The following CDH13 variants were observed in gnomAD, a reference collection of about 807,000 sequenced individuals.
CDH13 encodes cadherin 13.
Under a neutral mutation model 63.8 loss-of-function variants are expected in CDH13, and 24 were observed. The observed-to-expected ratio is 0.38, with a 90% CI of 0.27 to 0.53. The LOEUF (loss-of-function observed/expected upper bound fraction) is 0.53. Ranked by LOEUF, CDH13 falls within the 20% of genes least tolerant of loss-of-function variation. CDH13 has a pLI of 0.85. For missense variants in CDH13, 1,049 were observed against 903.1 expected, an observed-to-expected ratio of 1.16 and a Z score of -2.07; for synonymous variants, 503 against 355.3, an observed-to-expected ratio of 1.42 and a Z score of -4.67.
At chr16:82,671,167 A>C (rs1219944408) in intron 1 of CDH13, among the ~76,000 whole-genome samples, 1 of 152,240 alleles carries the variant, frequency 6.6e-6, no homozygotes, top group African/African-American at 2.4e-5. Context: ...ACATTCTTTA[A>C]GTACTAAAAT....
intron 2 of CDH13, among the ~76,000 whole-genome samples, chr16:82,882,710 A>T (rs1227397247): frequency 6.6e-6 from 1 of 151,710 alleles, no homozygotes; most frequent in African/African-American, 2.4e-5. Context: ...GAAAAAACAA[A>T]CCTAACAGTA....
chr16:83,608,733 A>G (rs1908587033), intron 8 of CDH13, among the ~76,000 whole-genome samples: 1 of 142,784 alleles, frequency 7.0e-6, no homozygotes, highest in African/African-American at 2.6e-5. Flanking sequence ...GTCTTGAACT[A>G]TTGGGCCCAA....
intron 1 of CDH13, among the ~76,000 whole-genome samples, chr16:82,655,273 G>C (rs79606833): frequency 0.015 from 2,259 of 152,320 alleles, 57 homozygotes; most frequent in African/African-American, 0.051. Flanking sequence ...TGCAATCAAT[G>C]AGCCGGTCAA....
intron 7 of CDH13, among the ~76,000 whole-genome samples, chr16:83,542,798 C>T (rs1440958247): frequency 6.6e-6 from 1 of 152,198 alleles, no homozygotes; most frequent in Non-Finnish European, 1.5e-5. Flanking sequence ...GTCTCTGTGT[C>T]CTAATTTCTC....
At chr16:82,674,741 G>A (rs113644092) in intron 1 of CDH13, among the ~76,000 whole-genome samples, 8 of 152,216 alleles carry the variant, frequency 5.3e-5, no homozygotes, top group Middle Eastern at 6.8e-3. Context: ...TGAGGTGGGG[G>A]CACACTGGAA....
In CDH13 at chr16:83,180,892, G is replaced by T. The variant is rs184990930; in HGVS notation, c.484-36453G>T. On this transcript the variant is annotated intron_variant, in intron 4 of 13. Transcript: ENST00000567109. ...CAGAGAACCCACAATCCTATTAACA[G>T]CGAACTTCTCTTGAATGAAGGCATT... The T allele has an allele frequency of 2.5e-5, 39 of 1,531,048 alleles. No individual in the cohort carries two copies. In the East Asian group the frequency reaches 7.1e-4, roughly 28 times the overall value. 94.8% of individuals were successfully genotyped at this position (1,531,048 alleles called of 1,614,324 possible).
intron 5 of CDH13, among the ~76,000 whole-genome samples, chr16:83,324,054 T>TC (rs1310000329): frequency 6.6e-6 from 1 of 151,800 alleles, no homozygotes; most frequent in Non-Finnish European, 1.5e-5. Context: ...TTTTTTTTTT[T>TC]TGAGGTGGAG....
intron 5 of CDH13, among the ~76,000 whole-genome samples, chr16:83,274,398 C>T (rs577419635): frequency 6.6e-6 from 1 of 152,292 alleles, no homozygotes; most frequent in Admixed American, 6.5e-5. Context: ...TTATTTGGCT[C>T]CTACCCTGAG....
intron 2 of CDH13, among the ~76,000 whole-genome samples, chr16:82,994,316 C>T (rs370799584): frequency 1.3e-5 from 2 of 152,180 alleles, no homozygotes; most frequent in Non-Finnish European, 2.9e-5. Flanking sequence ...TAGTACAACC[C>T]TGGCCCTTGC....
At position 83,003,375 on chromosome 16, in the gene CDH13, C is replaced by G. The variant is rs531233380; in HGVS notation, c.158-28635C>G. Among the ~76,000 whole-genome samples, 278 of 151,538 alleles carry G rather than the reference C, an allele frequency of 1.8e-3. 2 individuals carry two copies. The highest frequency in any genetic ancestry group is 0.017 in the Middle Eastern group (5 of 290). On this transcript the variant is annotated intron_variant, in intron 2 of 13. Transcript: ENST00000567109. ...TTGCATTGATAATTTATCTATTTAACTGGCTTAAGTGGGTTTTTTTTTTTA... is the reference window on the plus strand; with the variant it reads ...TTGCATTGATAATTTATCTATTTAAGTGGCTTAAGTGGGTTTTTTTTTTTA...
At chr16:83,276,407 C>A (rs566953218) in intron 5 of CDH13, among the ~76,000 whole-genome samples, 1 of 152,210 alleles carries the variant, frequency 6.6e-6, no homozygotes, top group South Asian at 2.1e-4. Context: ...GCACCTTGAG[C>A]CAGTGATTGC....
intron 5 of CDH13, among the ~76,000 whole-genome samples, chr16:83,246,471 G>A (rs1905005815): frequency 6.6e-6 from 1 of 152,080 alleles, no homozygotes; most frequent in African/African-American, 2.4e-5. Flanking sequence ...AGATTCACTA[G>A]CTCTTAATCC....
chr16:83,503,169 A>G (rs1310277476), intron 7 of CDH13, among the ~76,000 whole-genome samples: 1 of 152,224 alleles, frequency 6.6e-6, no homozygotes, highest in Non-Finnish European at 1.5e-5. Flanking sequence ...GAGGCCTTGA[A>G]TCGCTCACGT....
At chr16:83,077,186 C>CTTTTTTTTTTTTTTT (rs34536219) in intron 3 of CDH13, among the ~76,000 whole-genome samples, 799 of 59,252 alleles carry the variant, frequency 0.013, 54 homozygotes, top group South Asian at 0.017. Context: ...TTTTTCTTTT[C>CTTTTTTTTTTTTTTT]TTTTTTTTTT....
rs572593563 is a variant in CDH13, at chr16:83,165,303, C to G, written c.483+39802C>G. On this transcript the variant is annotated intron_variant, in intron 4 of 13. Transcript: ENST00000567109. Reference sequence around the variant, plus strand: ...TCTGTTGGCAAAAACAATGCCCACCCCTGCCTGTCTTGAAGATTCAAAATG... The same window carrying G: ...TCTGTTGGCAAAAACAATGCCCACCGCTGCCTGTCTTGAAGATTCAAAATG... Among the ~76,000 whole-genome samples the G allele has an allele frequency of 1.6e-4, 24 of 152,150 alleles. 1 individual carries two copies. Among genetic ancestry groups the G allele is most frequent in the Non-Finnish European group, 3.5e-4 (24 of 67,994 alleles).
chr16:83,578,279 C>G (rs1905229876), intron 7 of CDH13, among the ~76,000 whole-genome samples: 1 of 152,222 alleles, frequency 6.6e-6, no homozygotes, highest in South Asian at 2.1e-4. Context: ...AACCATTTCT[C>G]ACAGCCGCGG....
chr16:82,889,283 T>A (rs1223170134), intron 2 of CDH13, among the ~76,000 whole-genome samples: 1 of 149,326 alleles, frequency 6.7e-6, no homozygotes, highest in African/African-American at 2.4e-5. Context: ...AAAATTGTGC[T>A]TGTCTGTCTC....
intron 1 of CDH13, among the ~76,000 whole-genome samples, chr16:82,780,158 G>T (rs1382551981): frequency 6.6e-6 from 1 of 152,056 alleles, no homozygotes; most frequent in East Asian, 1.9e-4. Context: ...GTAGGAATGG[G>T]GGTGGGGAAA....
At chr16:83,456,323 C>G (rs1271701868) in intron 6 of CDH13, among the ~76,000 whole-genome samples, 1 of 152,190 alleles carries the variant, frequency 6.6e-6, no homozygotes, top group Admixed American at 6.5e-5. Context: ...AGGAAAGGGA[C>G]TGGTTGAGCA....
Sources: allele counts gnomAD v4.1 joint callset (sites outside exome capture counted in the v4.1 genomes callset), GRCh38; gene constraint gnomAD v4.1.1; transcripts MANE v1.5; gene names NCBI Gene and HGNC (gene_info 2026-07-23, HGNC 2026-07-21).